Variants in FNBP1 observed in about 807,000 individuals in gnomAD.
The protein encoded by FNBP1 is formin-binding protein 1.
FNBP1 carries 26 observed loss-of-function variants against 90.6 expected under a neutral mutation model. The observed-to-expected ratio is 0.29, with a 90% CI of 0.21 to 0.40. FNBP1 has a LOEUF of 0.40. FNBP1 is among the 10% of genes least tolerant of loss of function. The pLI, the probability that FNBP1 is intolerant of heterozygous loss-of-function variation, is 1.00. For missense variants in FNBP1, 635 were observed against 768.0 expected, an observed-to-expected ratio of 0.83 and a Z score of 2.05; for synonymous variants, 260 against 265.2, an observed-to-expected ratio of 0.98 and a Z score of 0.19.
intron 1 of FNBP1, among the ~76,000 whole-genome samples, chr9:130,036,164 T>C (rs1206378447): frequency 6.6e-6 from 1 of 152,206 alleles, no homozygotes; most frequent in African/African-American, 2.4e-5. Flanking sequence ...ATTAGATTAA[T>C]TTCCCAGGGC....
chr9:129,909,247 G>A (rs2131544520), intron 11 of FNBP1, among the ~76,000 whole-genome samples: 1 of 152,272 alleles, frequency 6.6e-6, no homozygotes, highest in Non-Finnish European at 1.5e-5. Flanking sequence ...AGTGAGCAAC[G>A]CTACAGTAAA....
chr9:130,019,924 A>G lies in FNBP1; in HGVS notation c.24+23028T>C, dbSNP rs373171815. On this transcript the variant is annotated intron_variant, in intron 1 of 16. Coordinates refer to ENST00000446176, the MANE Select transcript of FNBP1 (RefSeq NM_015033.3). Reference sequence around the variant, plus strand: ...ACAGGACCTCATTAGATTAAAAACAAAACAAAACAAAAAAGGCTACAGAAC... The same window carrying G: ...ACAGGACCTCATTAGATTAAAAACAGAACAAAACAAAAAAGGCTACAGAAC... 6.6e-5 allele frequency among the ~76,000 whole-genome samples: 10 copies of G among 152,154 alleles called. No homozygotes were observed. In the East Asian group the frequency reaches 1.8e-3, roughly 27 times the overall value.
intron 4 of FNBP1, among the ~76,000 whole-genome samples, chr9:129,961,498 T>C (rs1374989134): frequency 6.6e-6 from 1 of 152,146 alleles, no homozygotes; most frequent in African/African-American, 2.4e-5. Context: ...GCTAGAAATA[T>C]GCAGAAATGT....
intron 4 of FNBP1, among the ~76,000 whole-genome samples, chr9:129,959,792 C>G (rs969305760): frequency 6.6e-6 from 1 of 152,040 alleles, no homozygotes; most frequent in South Asian, 2.1e-4. Context: ...TTTTTATCAC[C>G]CCTAAAAGAA....
chr9:130,048,939 C>A, the FNBP1 span, among the ~76,000 whole-genome samples: 11 of 151,682 alleles, frequency 7.3e-5, no homozygotes, highest in Non-Finnish European at 2.9e-5. Context: ...CGCCACCATG[C>A]CTGGCTAGTA....
chr9:129,889,869 C>T lies in FNBP1; in HGVS notation c.*670G>A, dbSNP rs533448660. ...GGCGTCAAACCAAAATGTGTGTATG[C>T]GCACGCGTGTGTACTGGTGGGTGTG... On this transcript the variant is annotated 3_prime_UTR_variant, in exon 17 of 17. Transcript: ENST00000446176. 6.9e-5 allele frequency: 16 copies of T among 233,516 alleles called. No individual in the cohort carries two copies. Among genetic ancestry groups the T allele is most frequent in the Admixed American group, 2.8e-4 (5 of 17,788 alleles). The allele number at this position is 233,516 out of a possible 1,614,324, so 14.5% of individuals were successfully genotyped here. A position where few individuals can be genotyped will look rare whatever the true frequency, so the allele number is the denominator to read the frequency against.
At chr9:130,032,033 C>T (rs2058847620) in intron 1 of FNBP1, among the ~76,000 whole-genome samples, 1 of 152,130 alleles carries the variant, frequency 6.6e-6, no homozygotes, top group Admixed American at 6.6e-5. Flanking sequence ...ACTACCACCA[C>T]TACTCCTCTT....
chr9:130,007,681 C>G (rs1415790378), intron 1 of FNBP1, among the ~76,000 whole-genome samples: 1 of 152,146 alleles, frequency 6.6e-6, no homozygotes, highest in Non-Finnish European at 1.5e-5. Context: ...ACAAACATCT[C>G]TAACTGCCCC....
In FNBP1 at chr9:129,900,411, GT is replaced by G. The variant is rs1426659956; in HGVS notation, c.1550+14del. On this transcript the variant is annotated intron_variant, in intron 14 of 16. Coordinates refer to ENST00000446176, the MANE Select transcript of FNBP1 (RefSeq NM_015033.3). The surrounding 1 kb of genome is among the most constrained non-coding windows in gnomAD (Gnocchi z 4.1). The stretch of plus-strand genomic sequence containing the variant: ...GGCTCCCTTGCCAGAGGCAGGCGCT[GT>G]GCAGATACTGTACCTCTCACGGTCC... The G allele has an allele frequency of 6.4e-7, 1 of 1,555,812 alleles. No individual in the cohort carries two copies. Among genetic ancestry groups the G allele is most frequent in the Non-Finnish European group, 8.7e-7 (1 of 1,155,540 alleles).
At chr9:129,976,744 A>ACT (rs1324613491) in intron 4 of FNBP1, among the ~76,000 whole-genome samples, 1 of 151,894 alleles carries the variant, frequency 6.6e-6, no homozygotes, top group Non-Finnish European at 1.5e-5. Context: ...AGCACGTTCT[A>ACT]CTCTTACTTT....
intron 2 of FNBP1, among the ~76,000 whole-genome samples, chr9:129,980,669 G>GAA (rs199545216): frequency 2.4e-5 from 3 of 126,748 alleles, no homozygotes; most frequent in African/African-American, 8.7e-5. Context: ...GGTAATCACA[G>GAA]AAAAAAAAAA....
At chr9:129,923,324 T>C (rs1036125526) in intron 10 of FNBP1, among the ~76,000 whole-genome samples, 3 of 152,106 alleles carry the variant, frequency 2.0e-5, no homozygotes, top group African/African-American at 7.2e-5. Context: ...CTCACACCTG[T>C]AATCCCAGCA....
chr9:130,018,283 A>G (rs2057459264), intron 1 of FNBP1, among the ~76,000 whole-genome samples: 1 of 151,982 alleles, frequency 6.6e-6, no homozygotes, highest in South Asian at 2.1e-4. Context: ...GTGTATATAT[A>G]TATCATACAA....
At chr9:130,019,279 G>A (rs1300779638) in intron 1 of FNBP1, among the ~76,000 whole-genome samples, 3 of 143,100 alleles carry the variant, frequency 2.1e-5, no homozygotes, top group South Asian at 2.2e-4. Flanking sequence ...CCAGCCTAGC[G>A]ACACAGCAAG....
intron 1 of FNBP1, among the ~76,000 whole-genome samples, chr9:130,005,980 T>C (rs2055637738): frequency 6.6e-6 from 1 of 152,174 alleles, no homozygotes; most frequent in South Asian, 2.1e-4. Flanking sequence ...ATGTCTCCTA[T>C]AGCAGGAGCC....
At chr9:130,045,576 G>A (rs937517081), upstream of FNBP1, among the ~76,000 whole-genome samples, 3 of 152,302 alleles carry the variant, frequency 2.0e-5, no homozygotes, top group African/African-American at 2.4e-5. Context: ...TTTTTAAGAC[G>A]AGTAAGCAGG....
intron 6 of FNBP1, among the ~76,000 whole-genome samples, chr9:129,930,688 A>T (rs2042606875): frequency 6.6e-6 from 1 of 152,254 alleles, no homozygotes; most frequent in African/African-American, 2.4e-5. Flanking sequence ...TTTAAAGTTC[A>T]AACAGGAATG....
chr9:129,932,901 C>T (rs2042971164), intron 6 of FNBP1, among the ~76,000 whole-genome samples: 1 of 152,100 alleles, frequency 6.6e-6, no homozygotes, highest in East Asian at 1.9e-4. Flanking sequence ...CGAGCCCGTC[C>T]AGCACAAATG....
chr9:129,901,959 CA>C (rs2037035742), intron 13 of FNBP1, among the ~76,000 whole-genome samples: 1 of 152,154 alleles, frequency 6.6e-6, no homozygotes, highest in South Asian at 2.1e-4. Context: ...TTGCTGGAAA[CA>C]ATCTATTCTG....
Sources: allele counts gnomAD v4.1 joint callset (sites outside exome capture counted in the v4.1 genomes callset), GRCh38; gene constraint gnomAD v4.1.1; non-coding constraint Gnocchi (gnomAD v3.1); transcripts MANE v1.5; gene names NCBI Gene and HGNC (gene_info 2026-07-23, HGNC 2026-07-21).